The following PDCD6 variants were observed in gnomAD, a reference collection of about 807,000 sequenced individuals.
PDCD6 encodes programmed cell death protein 6.
In PDCD6, 12 loss-of-function variants were observed where a neutral mutation model predicts 28.3. That is an observed-to-expected ratio of 0.42 (90% confidence interval 0.27 to 0.69). PDCD6 has a LOEUF of 0.69. Among genes scored for constraint, PDCD6 ranks in the 30% least tolerant of loss-of-function variants. PDCD6 has a pLI of 0.22. For missense variants in PDCD6, 226 were observed against 269.9 expected, an observed-to-expected ratio of 0.84 and a Z score of 1.14; for synonymous variants, 92 against 108.0, an observed-to-expected ratio of 0.85 and a Z score of 0.92.
chr5:311,488 A>T, intron 5 of PDCD6, 86 bp downstream of exon 5: 1 of 850,596 alleles, frequency 1.2e-6, no homozygotes. Flanking sequence ...CAATCTAAGG[A>T]GCTGGGCATG....
At chr5:314,357 C>A in intron 5 of PDCD6, 60 bp from the exon 6 acceptor site, 1 of 1,267,264 alleles carries the variant, frequency 7.9e-7, no homozygotes, top group Non-Finnish European at 1.2e-6. Context: ...ATGCCTTTGT[C>A]CCAGTGCACC....
Position 271,840 on chromosome 5 carries a change from CG to C in PDCD6, c.101+22del. The C allele has an allele frequency of 7.6e-7, 1 of 1,323,204 alleles. No homozygotes were observed. Among genetic ancestry groups the C allele is most frequent in the Non-Finnish European group, 9.8e-7 (1 of 1,015,444 alleles). 82.0% of individuals were successfully genotyped at this position (1,323,204 alleles called of 1,614,324 possible). On this transcript the variant is annotated intron_variant, in intron 1 of 5. Coordinates refer to ENST00000264933, the MANE Select transcript of PDCD6 (RefSeq NM_013232.4). ...TCCAGAGGTGCGGCCTGGCACCGCC[CG>C]GGCACCTCCCGCCTCCGCCGCGGCG...
intron 2 of PDCD6, among the ~76,000 whole-genome samples, chr5:298,093 A>C (rs1158813720): frequency 9.9e-5 from 15 of 152,166 alleles, no homozygotes. Flanking sequence ...ATCAGGGAGT[A>C]ATTTCCAGGC....
intron 2 of PDCD6, among the ~76,000 whole-genome samples, chr5:298,145 G>A (rs1739737521): frequency 6.6e-6 from 1 of 152,174 alleles, no homozygotes; most frequent in African/African-American, 2.4e-5. Context: ...CATGATTTCA[G>A]GGGTAATTCC....
chr5:281,579 T>C (rs1338682038), intron 2 of PDCD6, among the ~76,000 whole-genome samples: 3 of 152,040 alleles, frequency 2.0e-5, no homozygotes, highest in African/African-American at 4.8e-5. Context: ...GCTGATGTTA[T>C]TTTAATTGGT....
intron 2 of PDCD6, among the ~76,000 whole-genome samples, chr5:300,708 G>A (rs1382553801): frequency 6.6e-6 from 1 of 152,228 alleles, no homozygotes; most frequent in African/African-American, 2.4e-5. Flanking sequence ...GTTCTCTCTT[G>A]GTTTCTGTGG....
Position 304,486 on chromosome 5 carries a change from A to G in PDCD6, c.208+265A>G, listed in dbSNP as rs562342012. 1.6e-3 allele frequency: 333 copies of G among 206,810 alleles called. 10 individuals are homozygous for G. The South Asian group carries it at 0.051, about 32-fold the overall frequency. The allele number at this position is 206,810 out of a possible 1,614,324, so 12.8% of individuals were successfully genotyped here. The stretch of plus-strand genomic sequence containing the variant: ...CAGTTTCTAATTCTAAAGATGACAT[A>G]TATTTAAAATTTCTAAATTATTAGT... On this transcript the variant is annotated intron_variant, in intron 3 of 5. Transcript: ENST00000264933.
At chr5:287,477 A>G (rs1023648262) in intron 2 of PDCD6, among the ~76,000 whole-genome samples, 1 of 152,164 alleles carries the variant, frequency 6.6e-6, no homozygotes, top group African/African-American at 2.4e-5. Context: ...TGAGACAGAA[A>G]GACCCTGATT....
At chr5:299,863 T>A (rs867030648) in intron 2 of PDCD6, among the ~76,000 whole-genome samples, 6 of 151,900 alleles carry the variant, frequency 3.9e-5, no homozygotes, top group Non-Finnish European at 5.9e-5. Context: ...TTTTTTTTTT[T>A]ATTTTTTTAT....
At chr5:300,936 A>T (rs1181942613) in intron 2 of PDCD6, among the ~76,000 whole-genome samples, 1 of 152,082 alleles carries the variant, frequency 6.6e-6, no homozygotes, top group Non-Finnish European at 1.5e-5. Context: ...ATGCACCATC[A>T]CGGCACACTC....
chr5:302,139 GAATA>G (rs1740112971), intron 2 of PDCD6, among the ~76,000 whole-genome samples: 1 of 136,778 alleles, frequency 7.3e-6, no homozygotes. Context: ...GCCTTTGTGG[GAATA>G]GCACAGCTTC....
At chr5:288,778 A>G in intron 2 of PDCD6, 3 of 842,728 alleles carry the variant, frequency 3.6e-6, no homozygotes, top group Non-Finnish European at 5.1e-6. Flanking sequence ...AAAGTTTTAT[A>G]CGGCGTTAAA....
chr5:271,943 C>T (rs1371885920), intron 1 of PDCD6, 122 bp downstream of exon 1: 7 of 391,096 alleles, frequency 1.8e-5, no homozygotes, highest in African/African-American at 4.2e-5. Flanking sequence ...CGTCCCCTGT[C>T]GGGTCCCCCG....
intron 2 of PDCD6, among the ~76,000 whole-genome samples, chr5:298,739 CCCCAGCTGCTCACCCCCA>C (rs1739788338): frequency 3.2e-5 from 1 of 31,738 alleles, no homozygotes. Context: ...CAGCTGCTCC[CCCCAGCTGCTCACCCCCA>C]ACTGCTCCCC....
chr5:298,273 A>G (rs1362915337), intron 2 of PDCD6, among the ~76,000 whole-genome samples: 1 of 151,936 alleles, frequency 6.6e-6, no homozygotes, highest in Non-Finnish European at 1.5e-5. Context: ...AGATCATTTC[A>G]CTTAAACACA....
chr5:302,568 A>G (rs1171878050), intron 2 of PDCD6, among the ~76,000 whole-genome samples: 1 of 147,736 alleles, frequency 6.8e-6, no homozygotes, highest in Non-Finnish European at 1.5e-5. Flanking sequence ...GCTTCCCTGC[A>G]TAACTGCTGG....
chr5:295,818 A>G (rs1739576482), intron 2 of PDCD6, among the ~76,000 whole-genome samples: 1 of 147,178 alleles, frequency 6.8e-6, no homozygotes, highest in Admixed American at 6.9e-5. Context: ...AGTTACTGCC[A>G]ATGAAGAAGG....
intron 2 of PDCD6, among the ~76,000 whole-genome samples, chr5:303,036 G>A (rs561135669): frequency 6.6e-6 from 1 of 152,330 alleles, no homozygotes; most frequent in South Asian, 2.1e-4. Flanking sequence ...GGAGAATGTG[G>A]TACCCCCGTG....
At chr5:295,692 T>C (rs1474733728) in intron 2 of PDCD6, among the ~76,000 whole-genome samples, 2 of 146,186 alleles carry the variant, frequency 1.4e-5, no homozygotes, top group African/African-American at 2.5e-5. Context: ...TCCCTGGTGG[T>C]CATGACCGCA....
Sources: gnomAD v4.1 joint callset for allele counts (sites outside exome capture counted in the v4.1 genomes callset) on GRCh38, gnomAD v4.1.1 for gene constraint, MANE v1.5 for transcripts, NCBI Gene and HGNC (gene_info 2026-07-23, HGNC 2026-07-21) for gene names.